TENM3: variants seen among roughly 807,000 people sequenced by gnomAD.
TENM3 encodes the protein teneurin-3.
In TENM3, 63 loss-of-function variants were observed where a neutral mutation model predicts 255.1. The observed-to-expected ratio is 0.25, with a 90% confidence interval of 0.20 to 0.30. The LOEUF (loss-of-function observed/expected upper bound fraction) is 0.30, where lower values mean the gene tolerates loss of function less well. TENM3 is among the 10% of genes least tolerant of loss of function. The pLI is 1.00. For synonymous variants in TENM3, 1,306 were observed against 1,322.3 expected (o/e 0.99, Z 0.27); for missense variants, 2,929 against 3,461.1 (o/e 0.85, Z 3.86).
At chr4:181,617,519 A>C in the TENM3 span, among the ~76,000 whole-genome samples, 3 of 152,310 alleles carry the variant, frequency 2.0e-5, no homozygotes, top group South Asian at 6.2e-4. Context: ...ACCAAGGGCC[A>C]TGGTGGGAAA....
At chr4:181,514,370 G>T in the TENM3 span, among the ~76,000 whole-genome samples, 1 of 152,148 alleles carries the variant, frequency 6.6e-6, no homozygotes, top group Non-Finnish European at 1.5e-5. Context: ...TGGAGGAAAG[G>T]TTGTCATATA....
intron 1 of TENM3, among the ~76,000 whole-genome samples, chr4:182,284,496 C>T (rs538291618): frequency 1.1e-4 from 17 of 152,030 alleles, no homozygotes; most frequent in African/African-American, 2.2e-4. Context: ...GTGTTTTCAG[C>T]GTATTGAGGT....
intron 1 of TENM3, among the ~76,000 whole-genome samples, chr4:182,304,510 C>T (rs1030993050): frequency 5.3e-5 from 8 of 152,082 alleles, no homozygotes; most frequent in African/African-American, 1.9e-4. Context: ...CTGTGCCCGG[C>T]CAAGATAATT....
At position 182,600,918 on chromosome 4, in the gene TENM3, T is replaced by TCA; in HGVS notation, c.512-6_512-5insCA. 7.0e-7 allele frequency: 1 copy of TCA among 1,423,100 alleles called. No individual in the cohort carries two copies. The highest frequency in any genetic ancestry group is 9.5e-7 in the Non-Finnish European group (1 of 1,052,148). The allele number at this position is 1,423,100 out of a possible 1,614,324, so 88.2% of individuals were successfully genotyped here. Reference sequence around the variant, plus strand: ...CTTTCTTTTTTTTTTTTTTTTTTTTTTTCAGAGCAACCTGCAAGCAATCAA... The same window carrying TCA: ...CTTTCTTTTTTTTTTTTTTTTTTTTTCATTCAGAGCAACCTGCAAGCAATCAA... On this transcript the variant is annotated splice_region_variant and splice_polypyrimidine_tract_variant and intron_variant, in intron 3 of 27. Transcript: ENST00000511685.
chr4:182,079,267 A>G, the TENM3 span, among the ~76,000 whole-genome samples: 4 of 152,170 alleles, frequency 2.6e-5, no homozygotes, highest in Non-Finnish European at 5.9e-5. Flanking sequence ...CTGTAATCCT[A>G]GCACTTTGGG....
At chr4:182,614,289 A>G (rs78408300) in intron 4 of TENM3, among the ~76,000 whole-genome samples, 17,214 of 152,174 alleles carry the variant, frequency 0.11, 1,778 homozygotes, top group East Asian at 0.44. Flanking sequence ...AACATTTATC[A>G]TTAAATGCAT....
the TENM3 span, among the ~76,000 whole-genome samples, chr4:182,121,422 TG>T: frequency 6.6e-6 from 1 of 152,140 alleles, no homozygotes; most frequent in Admixed American, 6.5e-5. Context: ...ATAACGTTGG[TG>T]GCTAAGGATA....
intron 1 of TENM3, among the ~76,000 whole-genome samples, chr4:182,185,950 A>G (rs1753122622): frequency 6.6e-6 from 1 of 152,228 alleles, no homozygotes; most frequent in Non-Finnish European, 1.5e-5. Context: ...ACATTTACCA[A>G]TACATTAGAT....
chr4:181,557,642 G>C, the TENM3 span, among the ~76,000 whole-genome samples: 1 of 151,710 alleles, frequency 6.6e-6, no homozygotes, highest in African/African-American at 2.4e-5. Flanking sequence ...TTCTCCCACC[G>C]CAGCCTCCCT....
the TENM3 span, among the ~76,000 whole-genome samples, chr4:181,839,514 C>T: frequency 6.1e-5 from 9 of 146,784 alleles, no homozygotes; most frequent in Non-Finnish European, 1.3e-4. Flanking sequence ...ATGATATATA[C>T]TATTATATAC....
intron 3 of TENM3, among the ~76,000 whole-genome samples, chr4:182,600,378 A>G (rs1440060997): frequency 1.3e-5 from 2 of 152,246 alleles, no homozygotes; most frequent in Admixed American, 1.3e-4. Context: ...AGTAGATCAT[A>G]GTGCAGATCT....
chr4:181,985,291 G>T, the TENM3 span, among the ~76,000 whole-genome samples: 6 of 150,072 alleles, frequency 4.0e-5, no homozygotes, highest in African/African-American at 1.5e-4. Flanking sequence ...AGGCTTTATT[G>T]TAGCAAATCA....
At chr4:181,511,499 C>T in the TENM3 span, among the ~76,000 whole-genome samples, 2 of 152,108 alleles carry the variant, frequency 1.3e-5, no homozygotes, top group South Asian at 2.1e-4. Flanking sequence ...TTCCCTCCCT[C>T]GTAAGAGACA....
At chr4:182,494,719 C>T (rs1325295716) in intron 3 of TENM3, among the ~76,000 whole-genome samples, 4 of 152,022 alleles carry the variant, frequency 2.6e-5, no homozygotes, top group Non-Finnish European at 5.9e-5. Flanking sequence ...TTATTAAGAC[C>T]AGTCATTTTT....
chr4:181,605,546 GAAAGAAAGAAAGAAAGAA>G, the TENM3 span, among the ~76,000 whole-genome samples: 85 of 27,358 alleles, frequency 3.1e-3, 8 homozygotes, highest in Admixed American at 5.5e-3. Flanking sequence ...AAGAAAGAAA[GAAAGAAAGAAAGAAAGAA>G]AGAAAGAGAG....
the TENM3 span, among the ~76,000 whole-genome samples, chr4:182,009,402 T>G: frequency 6.6e-6 from 1 of 151,814 alleles, no homozygotes; most frequent in Admixed American, 6.6e-5. Flanking sequence ...GACATCCGAA[T>G]TCTGTCCCTG....
In TENM3 at chr4:182,490,079, C is replaced by T. The variant is rs1295438062; in HGVS notation, c.512-110845C>T. Reference sequence around the variant, plus strand: ...ATTAGGAAGGGCTTTAGTAGAGACACATTTCAAAGGTGTGAATGTCTTAAT... The same window carrying T: ...ATTAGGAAGGGCTTTAGTAGAGACATATTTCAAAGGTGTGAATGTCTTAAT... On this transcript the variant is annotated intron_variant, in intron 3 of 27. Coordinates refer to ENST00000511685, the MANE Select transcript of TENM3 (RefSeq NM_001080477.4). Among the ~76,000 whole-genome samples, 7 of 152,268 alleles carry T rather than the reference C, an allele frequency of 4.6e-5. No homozygotes were observed. In the East Asian group the frequency reaches 5.8e-4, roughly 13 times the overall value.
the TENM3 span, among the ~76,000 whole-genome samples, chr4:181,652,056 C>T: frequency 1.3e-5 from 2 of 150,956 alleles, no homozygotes; most frequent in African/African-American, 4.9e-5. Context: ...CATTATTTAG[C>T]ATGCATTTCG....
At chr4:182,579,466 A>C (rs578234852) in intron 3 of TENM3, among the ~76,000 whole-genome samples, 23 of 152,304 alleles carry the variant, frequency 1.5e-4, no homozygotes, top group African/African-American at 5.5e-4. Context: ...AATGTCACCA[A>C]ACTTTTGAGT....
Sources: allele counts gnomAD v4.1 joint callset (sites outside exome capture counted in the v4.1 genomes callset), GRCh38; gene constraint gnomAD v4.1.1; transcripts MANE v1.5; gene names NCBI Gene and HGNC (gene_info 2026-07-23, HGNC 2026-07-21).